The following EIF4G3 variants were observed in gnomAD, a reference collection of about 807,000 sequenced individuals.
The protein encoded by EIF4G3 is eukaryotic translation initiation factor 4 gamma 3.
In EIF4G3, 34 loss-of-function variants were observed where a neutral mutation model predicts 186.4. That is an observed-to-expected ratio of 0.18 (90% CI 0.14 to 0.24). EIF4G3 has a LOEUF of 0.24. EIF4G3 is among the 10% of genes least tolerant of loss of function. EIF4G3 has a pLI of 1.00. For synonymous variants in EIF4G3, 673 were observed against 679.5 expected (o/e 0.99, Z 0.15); for missense variants, 1,536 against 1,948.5 (o/e 0.79, Z 3.99).
intron 2 of EIF4G3, among the ~76,000 whole-genome samples, chr1:21,138,638 C>T (rs1446898673): frequency 6.6e-6 from 1 of 151,932 alleles, no homozygotes; most frequent in Non-Finnish European, 1.5e-5. Context: ...GTCAACATGG[C>T]CAAACCCCGT....
intron 24 of EIF4G3, among the ~76,000 whole-genome samples, chr1:20,859,957 C>T (rs1368420020): frequency 6.6e-6 from 1 of 152,184 alleles, no homozygotes; most frequent in African/African-American, 2.4e-5. Flanking sequence ...TTCTTTTTCT[C>T]TAAATTTTAA....
chr1:21,089,372 C>A (rs1477514288), intron 2 of EIF4G3, among the ~76,000 whole-genome samples, 159 bp from the exon 3 acceptor site: 3 of 152,162 alleles, frequency 2.0e-5, no homozygotes, highest in Non-Finnish European at 2.9e-5. Context: ...TTTCAAATGT[C>A]CTAAAATGAC....
intron 2 of EIF4G3, among the ~76,000 whole-genome samples, chr1:21,096,815 G>C (rs2096384957): frequency 6.6e-6 from 1 of 152,178 alleles, no homozygotes; most frequent in Non-Finnish European, 1.5e-5. Context: ...ATAACTATAA[G>C]ATTTACAAAA....
chr1:21,006,266 A>T (rs956540167), intron 4 of EIF4G3, among the ~76,000 whole-genome samples: 3 of 152,234 alleles, frequency 2.0e-5, no homozygotes, highest in Non-Finnish European at 2.9e-5. Flanking sequence ...CTTTGTTGAA[A>T]AACAATGCAA....
Position 20,825,124 on chromosome 1 carries a change from ATCT to A in EIF4G3, c.4341_4343del (p.Glu1447del), listed in dbSNP as rs1557797088. 7 of 1,612,914 alleles carry A rather than the reference ATCT, an allele frequency of 4.3e-6. No individual in the cohort carries two copies. Among genetic ancestry groups the A allele is most frequent in the Non-Finnish European group, 5.1e-6 (6 of 1,179,514 alleles). ...CCTGCTCCAAAAGAAAATTATGTAC[ATCT>A]TCTCCTTCTGGTAAAAAGTCCTTCC... On this transcript the variant is annotated inframe_deletion, in exon 33 of 37. Transcript: ENST00000602326.
chr1:20,941,286 T>C, intron 14 of EIF4G3: 1 of 1,552,046 alleles, frequency 6.4e-7, no homozygotes, highest in Non-Finnish European at 8.7e-7. Context: ...TATTTGGAAA[T>C]TCTCATTTGC....
rs869306512 is a variant in EIF4G3, at chr1:21,068,375, T to TAAAAAAAAAAAAAAAAAAAAAAAA, written c.-195-17405_-195-17382dup. Among the ~76,000 whole-genome samples the TAAAAAAAAAAAAAAAAAAAAAAAA allele has an allele frequency of 5.6e-4, 38 of 67,820 alleles. 2 individuals are homozygous for TAAAAAAAAAAAAAAAAAAAAAAAA. The highest frequency in any genetic ancestry group is 1.0e-3 in the Admixed American group (5 of 4,850). The allele number at this position is 67,820 out of a possible 152,430, so 44.5% of individuals were successfully genotyped here. A position where few individuals can be genotyped will look rare whatever the true frequency, so the allele number is the denominator to read the frequency against. On this transcript the variant is annotated intron_variant, in intron 3 of 36. Transcript: ENST00000602326. Reference sequence around the variant, plus strand: ...GGGCGACAGAGTGAAACTCTGTCTTTAAAAAAAAAAAAAAAAAAAAAAAAA... The same window carrying TAAAAAAAAAAAAAAAAAAAAAAAA: ...GGGCGACAGAGTGAAACTCTGTCTTTAAAAAAAAAAAAAAAAAAAAAAAAAAAAAAAAAAAAAAAAAAAAAAAAA...
chr1:21,123,670 T>C (rs1395482699), intron 2 of EIF4G3, among the ~76,000 whole-genome samples: 1 of 151,990 alleles, frequency 6.6e-6, no homozygotes, highest in African/African-American at 2.4e-5. Context: ...AAAAGGGAAG[T>C]GAGTGGCAGG....
chr1:20,949,362 G>A (rs1030656655), intron 13 of EIF4G3, among the ~76,000 whole-genome samples: 2 of 152,204 alleles, frequency 1.3e-5, no homozygotes, highest in Non-Finnish European at 2.9e-5. Context: ...AGACCTTAGT[G>A]TACTATTCCT....
chr1:20,904,630 T>C (rs1340479563), intron 15 of EIF4G3, among the ~76,000 whole-genome samples: 1 of 152,176 alleles, frequency 6.6e-6, no homozygotes, highest in Non-Finnish European at 1.5e-5. Flanking sequence ...TTACAGTTGT[T>C]AGCCACTGTG....
At chr1:21,009,071 A>G (rs903173056) in intron 4 of EIF4G3, among the ~76,000 whole-genome samples, 6 of 152,230 alleles carry the variant, frequency 3.9e-5, no homozygotes, top group South Asian at 2.1e-4. Context: ...AGCTATACCA[A>G]TAAGTTTTAA....
chr1:21,088,292 C>A (rs1352317885), intron 3 of EIF4G3, among the ~76,000 whole-genome samples: 1 of 150,288 alleles, frequency 6.7e-6, no homozygotes, highest in Non-Finnish European at 1.5e-5. Context: ...TGGTGGCACA[C>A]GCCTATAATC....
chr1:20,923,812 T>C (rs1021760368), intron 14 of EIF4G3, among the ~76,000 whole-genome samples: 1 of 10,074 alleles, frequency 9.9e-5, no homozygotes, highest in African/African-American at 1.4e-4. Flanking sequence ...CCCATCCCTA[T>C]ATATATATAT....
chr1:21,108,902 CAA>C (rs767728797), intron 2 of EIF4G3, among the ~76,000 whole-genome samples: 5 of 33,214 alleles, frequency 1.5e-4, no homozygotes, highest in African/African-American at 1.1e-4. Flanking sequence ...GACTCCATCT[CAA>C]AAAAAAAAAA....
At chr1:21,063,732 C>G (rs937695576) in intron 3 of EIF4G3, among the ~76,000 whole-genome samples, 3 of 96,016 alleles carry the variant, frequency 3.1e-5, no homozygotes, top group African/African-American at 1.1e-4. Flanking sequence ...GGGGGGGGGA[C>G]GCAGTCTCAC....
chr1:20,905,218 A>G (rs2091720236), intron 14 of EIF4G3, among the ~76,000 whole-genome samples: 1 of 152,202 alleles, frequency 6.6e-6, no homozygotes, highest in African/African-American at 2.4e-5. Flanking sequence ...GGTTAGAAAT[A>G]TCCCAGCATG....
intron 7 of EIF4G3, among the ~76,000 whole-genome samples, chr1:20,997,372 CTG>C (rs1369124228): frequency 2.0e-5 from 3 of 150,134 alleles, no homozygotes; most frequent in African/African-American, 7.3e-5. Context: ...AAAAAAAAAA[CTG>C]TAGCATTTTT....
intron 4 of EIF4G3, among the ~76,000 whole-genome samples, chr1:21,016,116 T>C (rs2088941121): frequency 6.6e-6 from 1 of 152,198 alleles, no homozygotes; most frequent in Non-Finnish European, 1.5e-5. Flanking sequence ...ACACACTATA[T>C]AAAGATGCGA....
At chr1:20,939,913 G>A (rs970771654) in intron 14 of EIF4G3, among the ~76,000 whole-genome samples, 10 of 146,650 alleles carry the variant, frequency 6.8e-5, no homozygotes, top group African/African-American at 1.8e-4. Flanking sequence ...GGAGTGTGGC[G>A]GCACGATCTT....
Sources: allele counts gnomAD v4.1 joint callset (sites outside exome capture counted in the v4.1 genomes callset), GRCh38; gene constraint gnomAD v4.1.1; transcripts MANE v1.5; gene names NCBI Gene and HGNC (gene_info 2026-07-23, HGNC 2026-07-21).